HTR2C: variants seen among roughly 807,000 people sequenced by gnomAD.
The protein encoded by HTR2C is 5-hydroxytryptamine (serotonin) receptor 2C, G protein-coupled.
In HTR2C, 5 loss-of-function variants were observed where a neutral mutation model predicts 21.0. The ratio of observed to expected loss-of-function variants is 0.24; its 90% CI spans 0.12 to 0.50. The LOEUF is 0.50. HTR2C is among the 20% of genes least tolerant of loss of function. The probability of loss-of-function intolerance (pLI) is 0.98; values close to 1 mark genes in which losing one functional copy is unlikely to be tolerated. For synonymous variants in HTR2C, 150 were observed against 145.3 expected (o/e 1.03, Z -0.23); for missense variants, 271 against 371.2 (o/e 0.73, Z 2.22).
intron 2 of HTR2C, among the ~76,000 whole-genome samples, chrX:114,695,495 G>A (rs1932253486): frequency 9.0e-6 from 1 of 111,642 alleles, no homozygotes; most frequent in Non-Finnish European, 1.9e-5. Context: ...TATCTTCAAT[G>A]TCATCATGAT....
chrX:114,606,949 A>G (rs1295408526), intron 1 of HTR2C, among the ~76,000 whole-genome samples: 2 of 108,392 alleles, frequency 1.8e-5, no homozygotes, highest in Non-Finnish European at 3.8e-5. Flanking sequence ...GGTAAAGGAA[A>G]ATTACAGTCA....
intron 5 of HTR2C, among the ~76,000 whole-genome samples, chrX:114,862,397 A>G (rs1191083771): frequency 3.6e-5 from 4 of 110,436 alleles, no homozygotes; most frequent in Non-Finnish European, 5.7e-5. Context: ...TTGTAATACT[A>G]TCTTAAAAAA....
At chrX:114,871,637 T>TTG (rs386417424) in intron 5 of HTR2C, among the ~76,000 whole-genome samples, 2 of 11,204 alleles carry the variant, frequency 1.8e-4, no homozygotes, top group Non-Finnish European at 7.2e-4. Context: ...TCTTCATCTG[T>TTG]TTTTTTTTTT....
At chrX:114,806,795 C>CAT (rs1214388890) in intron 4 of HTR2C, among the ~76,000 whole-genome samples, 1 of 91,945 alleles carries the variant, frequency 1.1e-5, no homozygotes, top group African/African-American at 4.1e-5. Context: ...ATATATATAC[C>CAT]ATATATATAC....
intron 2 of HTR2C, among the ~76,000 whole-genome samples, chrX:114,664,496 T>C (rs1437415420): frequency 8.9e-6 from 1 of 111,878 alleles, no homozygotes; most frequent in Non-Finnish European, 1.9e-5. Flanking sequence ...CTGCATTAGT[T>C]TGCTGAGGAT....
intron 2 of HTR2C, among the ~76,000 whole-genome samples, chrX:114,667,143 T>A (rs1264555831): frequency 1.8e-5 from 2 of 111,532 alleles, no homozygotes; most frequent in East Asian, 5.6e-4. Flanking sequence ...GCAACAAATT[T>A]AAGTACTAGA....
At chrX:114,843,194 A>G (rs1283118391) in intron 4 of HTR2C, among the ~76,000 whole-genome samples, 3 of 112,337 alleles carry the variant, frequency 2.7e-5, no homozygotes, top group Non-Finnish European at 5.6e-5. Context: ...AATGTACTCA[A>G]AGAGCTGAAG....
intron 2 of HTR2C, among the ~76,000 whole-genome samples, chrX:114,633,002 A>G (rs1432470474): frequency 3.6e-5 from 4 of 110,976 alleles, no homozygotes; most frequent in African/African-American, 1.3e-4. Flanking sequence ...AAACACAAAT[A>G]TCCCACTGAT....
chrX:114,631,011 C>T (rs1929594625), intron 2 of HTR2C: 6 of 234,927 alleles, frequency 2.6e-5, no homozygotes, highest in Admixed American at 1.9e-4. Context: ...ACTAGAAAAG[C>T]GTGACTATGT....
At chrX:114,888,129 A>AT (rs1469154886) in intron 5 of HTR2C, among the ~76,000 whole-genome samples, 1 of 111,538 alleles carries the variant, frequency 9.0e-6, no homozygotes, top group Non-Finnish European at 1.9e-5. Context: ...GGCTTTCAGT[A>AT]TTTTGACTAG....
chrX:114,874,973 A>G (rs782446089), intron 5 of HTR2C, among the ~76,000 whole-genome samples: 1 of 111,755 alleles, frequency 8.9e-6, no homozygotes, highest in South Asian at 3.7e-4. Context: ...TCAGGCTGCT[A>G]TAACAAAACA....
intron 5 of HTR2C, among the ~76,000 whole-genome samples, chrX:114,902,776 A>G (rs1261021226): frequency 3.6e-5 from 4 of 110,114 alleles, no homozygotes; most frequent in African/African-American, 1.3e-4. Flanking sequence ...ATCCCTGGCT[A>G]ATTTTTGTAT....
chrX:114,664,507 A>G (rs2059445739), intron 2 of HTR2C, among the ~76,000 whole-genome samples: 2 of 111,893 alleles, frequency 1.8e-5, no homozygotes, highest in Admixed American at 1.9e-4. Flanking sequence ...TGCTGAGGAT[A>G]ACGGCTTCAA....
At chrX:114,837,135 C>CACATAATT (rs2070794174) in intron 4 of HTR2C, among the ~76,000 whole-genome samples, 1 of 112,129 alleles carries the variant, frequency 8.9e-6, no homozygotes, top group Admixed American at 9.5e-5. Flanking sequence ...TTGACTTACT[C>CACATAATT]ACATAATTTT....
intron 4 of HTR2C, among the ~76,000 whole-genome samples, chrX:114,764,466 C>T (rs782601970): frequency 5.4e-5 from 6 of 110,602 alleles, no homozygotes; most frequent in Admixed American, 9.7e-5. Context: ...GTTTAATTCC[C>T]CAATAAATGC....
At chrX:114,837,203 C>A (rs1556464363) in intron 4 of HTR2C, among the ~76,000 whole-genome samples, 1 of 111,548 alleles carries the variant, frequency 9.0e-6, no homozygotes, top group Non-Finnish European at 1.9e-5. Flanking sequence ...TTATACTGGC[C>A]TCATGAAGTA....
intron 4 of HTR2C, among the ~76,000 whole-genome samples, chrX:114,820,746 C>T (rs1488170703): frequency 3.6e-5 from 4 of 110,601 alleles, no homozygotes; most frequent in Non-Finnish European, 7.6e-5. Flanking sequence ...GGCCTTTTGC[C>T]TCCTGTCATG....
intron 5 of HTR2C, among the ~76,000 whole-genome samples, chrX:114,863,239 T>A (rs1468388433): frequency 9.0e-6 from 1 of 111,328 alleles, no homozygotes; most frequent in Non-Finnish European, 1.9e-5. Context: ...ATGTGGTAGT[T>A]CTATTTTTAG....
intron 5 of HTR2C, among the ~76,000 whole-genome samples, chrX:114,895,337 TATC>T (rs1244926175): frequency 2.7e-5 from 3 of 112,045 alleles, no homozygotes; most frequent in African/African-American, 9.7e-5. Context: ...TCATGCAACT[TATC>T]ATAATTGATC....
Sources: allele counts gnomAD v4.1 joint callset (sites outside exome capture counted in the v4.1 genomes callset), GRCh38; gene constraint gnomAD v4.1.1; transcripts MANE v1.5; gene names NCBI Gene and HGNC (gene_info 2026-07-23, HGNC 2026-07-21).